The following CSMD1 variants were observed in gnomAD, a reference collection of about 807,000 sequenced individuals.
CSMD1 encodes CUB and sushi domain-containing protein 1.
Under a neutral mutation model 417.5 loss-of-function variants are expected in CSMD1, and 213 were observed. The ratio of observed to expected loss-of-function variants is 0.51; its 90% confidence interval spans 0.46 to 0.57. CSMD1 has a LOEUF of 0.57. Ranked by LOEUF, CSMD1 falls within the 20% of genes least tolerant of loss-of-function variation. CSMD1 has a pLI of 0.00. For missense variants in CSMD1, 6,923 were observed against 4,529.7 expected, an observed-to-expected ratio of 1.53 and a Z score of -15.17; for synonymous variants, 2,862 against 1,736.8, an observed-to-expected ratio of 1.65 and a Z score of -16.11.
chr8:3,851,655 C>G (rs6993004), intron 5 of CSMD1, among the ~76,000 whole-genome samples: 9,110 of 150,732 alleles, frequency 0.06, 659 homozygotes, highest in African/African-American at 0.18. Context: ...AGGTGATAGA[C>G]AATAAGAAAC....
chr8:3,715,254 A>G (rs1691829113), intron 6 of CSMD1, among the ~76,000 whole-genome samples: 1 of 152,138 alleles, frequency 6.6e-6, no homozygotes, highest in Non-Finnish European at 1.5e-5. Flanking sequence ...CCAATTTCCT[A>G]TTCTCTGCTA....
intron 3 of CSMD1, among the ~76,000 whole-genome samples, chr8:4,383,820 G>T (rs1273616721): frequency 6.6e-6 from 1 of 152,004 alleles, no homozygotes; most frequent in South Asian, 2.1e-4. Context: ...AAATTATTGT[G>T]AAAGTGGAAC....
chr8:4,257,156 A>G (rs1484612623), intron 3 of CSMD1, among the ~76,000 whole-genome samples: 1 of 151,996 alleles, frequency 6.6e-6, no homozygotes, highest in African/African-American at 2.4e-5. Context: ...GCAAATTACT[A>G]AAAGTTTGAC....
At chr8:3,594,284 T>C (rs960129532) in intron 8 of CSMD1, among the ~76,000 whole-genome samples, 8 of 152,156 alleles carry the variant, frequency 5.3e-5, no homozygotes, top group African/African-American at 1.7e-4. Flanking sequence ...TCTTGGTCAA[T>C]ATATTAAATC....
intron 7 of CSMD1, among the ~76,000 whole-genome samples, chr8:3,641,670 T>G (rs1797314254): frequency 6.6e-6 from 1 of 152,112 alleles, no homozygotes; most frequent in African/African-American, 2.4e-5. Context: ...CAAATACAGC[T>G]TTTGCCCCAA....
chr8:3,009,468 T>G (rs757856976), intron 52 of CSMD1, among the ~76,000 whole-genome samples: 9 of 152,318 alleles, frequency 5.9e-5, no homozygotes, highest in Middle Eastern at 6.8e-3. Context: ...GGGCAGTAGA[T>G]TCCAAAGCCA....
chr8:2,992,584 T>C (rs538007604), intron 54 of CSMD1, among the ~76,000 whole-genome samples: 1 of 151,188 alleles, frequency 6.6e-6, no homozygotes, highest in Non-Finnish European at 1.5e-5. Context: ...CCACCACACC[T>C]GGCTAATTTT....
intron 26 of CSMD1, among the ~76,000 whole-genome samples, chr8:3,260,636 C>T (rs1013958084): frequency 4.6e-5 from 7 of 151,134 alleles, no homozygotes; most frequent in African/African-American, 1.7e-4. Context: ...GGGAGAGAAA[C>T]ATTTTTGACA....
chr8:4,475,707 G>T (rs1440301438), intron 2 of CSMD1, among the ~76,000 whole-genome samples: 1 of 150,822 alleles, frequency 6.6e-6, no homozygotes, highest in African/African-American at 2.4e-5. Flanking sequence ...GCTGCCTCTG[G>T]GTTCAAGGGA....
chr8:3,709,791 C>T (rs1027613249), intron 6 of CSMD1, among the ~76,000 whole-genome samples: 7 of 142,916 alleles, frequency 4.9e-5, no homozygotes, highest in Admixed American at 7.4e-5. Flanking sequence ...TTCAGGTCTT[C>T]GGTCTTGTCA....
intron 1 of CSMD1, among the ~76,000 whole-genome samples, chr8:4,645,605 A>G (rs1279226937): frequency 1.3e-5 from 2 of 152,092 alleles, no homozygotes; most frequent in African/African-American, 4.8e-5. Flanking sequence ...GAGGCTGCCC[A>G]TTTTGCAAAG....
chr8:4,144,422 GT>G (rs1803985793), intron 3 of CSMD1, among the ~76,000 whole-genome samples: 1 of 151,278 alleles, frequency 6.6e-6, no homozygotes, highest in South Asian at 2.1e-4. Context: ...AAAATCTGAA[GT>G]GAAGAATCAC....
intron 52 of CSMD1, among the ~76,000 whole-genome samples, chr8:3,013,307 C>A (rs1311655379): frequency 2.6e-5 from 4 of 152,160 alleles, no homozygotes; most frequent in Non-Finnish European, 5.9e-5. Flanking sequence ...TCAGCATGGT[C>A]TTCATGCTGA....
At chr8:4,342,909 G>C (rs190255711) in intron 3 of CSMD1, among the ~76,000 whole-genome samples, 3 of 152,164 alleles carry the variant, frequency 2.0e-5, no homozygotes, top group African/African-American at 7.2e-5. Flanking sequence ...TTATGTTTTA[G>C]AGAATTCCAA....
At chr8:3,669,636 G>T (rs1798886262) in intron 7 of CSMD1, among the ~76,000 whole-genome samples, 1 of 152,126 alleles carries the variant, frequency 6.6e-6, no homozygotes, top group Non-Finnish European at 1.5e-5. Flanking sequence ...TCGCCCGCTG[G>T]GTACATCATT....
intron 3 of CSMD1, among the ~76,000 whole-genome samples, chr8:4,299,828 A>C (rs562123671): frequency 2.0e-5 from 3 of 151,988 alleles, no homozygotes; most frequent in South Asian, 2.1e-4. Context: ...ATGGGTTTTC[A>C]CCTTCTTGGC....
intron 2 of CSMD1, among the ~76,000 whole-genome samples, chr8:4,512,272 A>G (rs1319650009): frequency 6.6e-6 from 1 of 152,224 alleles, no homozygotes; most frequent in Non-Finnish European, 1.5e-5. Context: ...GTAAACCAGA[A>G]CAAGAGGGAA....
At chr8:3,579,879 G>A (rs1800308562) in intron 9 of CSMD1, among the ~76,000 whole-genome samples, 1 of 152,164 alleles carries the variant, frequency 6.6e-6, no homozygotes, top group Non-Finnish European at 1.5e-5. Flanking sequence ...TGAGGCGGGT[G>A]GATTACCTGA....
intron 5 of CSMD1, among the ~76,000 whole-genome samples, chr8:3,780,919 G>C (rs1479607405): frequency 3.9e-5 from 6 of 152,174 alleles, no homozygotes; most frequent in African/African-American, 7.2e-5. Flanking sequence ...ATTTAGGTAA[G>C]ACCATGGCTT....
Sources: allele counts gnomAD v4.1 joint callset (sites outside exome capture counted in the v4.1 genomes callset), GRCh38; gene constraint gnomAD v4.1.1; transcripts MANE v1.5; gene names NCBI Gene and HGNC (gene_info 2026-07-23, HGNC 2026-07-21).